Variants in CHN2 observed in about 807,000 individuals in gnomAD.
The protein encoded by CHN2 is beta-chimaerin.
Under a neutral mutation model 56.3 loss-of-function variants are expected in CHN2, and 35 were observed. The ratio of observed to expected loss-of-function variants is 0.62; its 90% CI spans 0.47 to 0.82. The LOEUF (loss-of-function observed/expected upper bound fraction) is 0.82, where lower values mean the gene tolerates loss of function less well. Ranked by LOEUF, CHN2 falls within the 40% of genes least tolerant of loss-of-function variation. CHN2 has a pLI of 0.00. For synonymous variants in CHN2, 210 were observed against 212.8 expected (o/e 0.99, Z 0.12); for missense variants, 491 against 580.5 (o/e 0.85, Z 1.58).
chr7:29,328,922 C>A (rs1796008089), intron 1 of CHN2, among the ~76,000 whole-genome samples: 2 of 152,136 alleles, frequency 1.3e-5, no homozygotes, highest in Admixed American at 1.3e-4. Context: ...GAAGAAACAT[C>A]TCTAAATTCT....
At chr7:29,398,761 A>ATT (rs61569425) in intron 5 of CHN2, among the ~76,000 whole-genome samples, 2 of 120,302 alleles carry the variant, frequency 1.7e-5, no homozygotes, top group Non-Finnish European at 3.6e-5. Context: ...TGACTGGCTA[A>ATT]TTTTTTTTTT....
intron 1 of CHN2, among the ~76,000 whole-genome samples, chr7:29,337,841 T>A (rs559003145): frequency 1.3e-5 from 2 of 152,242 alleles, no homozygotes; most frequent in East Asian, 3.9e-4. Context: ...GTTGATGGGG[T>A]GTCTGAAGTG....
At chr7:29,393,737 A>C in intron 4 of CHN2, 27 bp downstream of exon 4, 1 of 741,344 alleles carries the variant, frequency 1.3e-6, no homozygotes, top group Non-Finnish European at 2.0e-6. Context: ...TCTTTGTTTT[A>C]ATAATTTAAT....
At chr7:29,250,132 C>T (rs1788381566) in intron 1 of CHN2, among the ~76,000 whole-genome samples, 1 of 152,186 alleles carries the variant, frequency 6.6e-6, no homozygotes, top group African/African-American at 2.4e-5. Context: ...GCTCAGATTT[C>T]TATTAACAGG....
At chr7:29,451,077 T>C (rs1201592783) in intron 6 of CHN2, among the ~76,000 whole-genome samples, 1 of 152,148 alleles carries the variant, frequency 6.6e-6, no homozygotes, top group East Asian at 1.9e-4. Flanking sequence ...CCTCATTACT[T>C]CTTATACCAT....
chr7:29,280,166 C>T (rs1791570946), intron 1 of CHN2, among the ~76,000 whole-genome samples: 1 of 151,952 alleles, frequency 6.6e-6, no homozygotes, highest in Non-Finnish European at 1.5e-5. Context: ...GGTGGATCAC[C>T]TGAGGTCATG....
At chr7:29,314,666 G>A (rs995252302) in intron 1 of CHN2, among the ~76,000 whole-genome samples, 2 of 152,254 alleles carry the variant, frequency 1.3e-5, no homozygotes, top group East Asian at 3.9e-4. Context: ...AGAAGTGAGA[G>A]TTCACTGAGC....
At position 29,480,186 on chromosome 7, in the gene CHN2, C is replaced by T. The variant is rs762443994; in HGVS notation, c.577-93C>T. Reference sequence around the variant, plus strand: ...TCGGAAGTCTAAGCAGGGCAGGAAACGCCAAGAACTGCTGGCCGTAGCCTT... The same window carrying T: ...TCGGAAGTCTAAGCAGGGCAGGAAATGCCAAGAACTGCTGGCCGTAGCCTT... On this transcript the variant is annotated intron_variant, in intron 6 of 12. Transcript: ENST00000222792. 7.5e-6 allele frequency: 12 copies of T among 1,609,898 alleles called. No homozygotes were observed. In the East Asian group the frequency reaches 8.9e-5, roughly 12 times the overall value.
At chr7:29,300,915 A>G (rs1006607870) in intron 1 of CHN2, among the ~76,000 whole-genome samples, 2 of 152,188 alleles carry the variant, frequency 1.3e-5, no homozygotes. Context: ...CATGTGCAAT[A>G]TTTTTTAAAT....
At chr7:29,210,117 C>A (rs1241440739) in intron 1 of CHN2, among the ~76,000 whole-genome samples, 1 of 152,172 alleles carries the variant, frequency 6.6e-6, no homozygotes, top group Non-Finnish European at 1.5e-5. Flanking sequence ...TCTGATCTGC[C>A]TGTTTCCTCT....
intron 2 of CHN2, 23 bp downstream of exon 2, chr7:29,354,686 T>A (rs766957825): frequency 6.2e-7 from 1 of 1,609,968 alleles, no homozygotes. Context: ...AATGAAAATC[T>A]CCCCAGAAGT....
At chr7:29,355,524 T>G (rs1798225002) in intron 2 of CHN2, among the ~76,000 whole-genome samples, 1 of 152,056 alleles carries the variant, frequency 6.6e-6, no homozygotes, top group Non-Finnish European at 1.5e-5. Flanking sequence ...GTCTCCTCTT[T>G]TCTTAGTACT....
At chr7:29,457,346 C>G (rs1784842511) in intron 6 of CHN2, among the ~76,000 whole-genome samples, 1 of 152,140 alleles carries the variant, frequency 6.6e-6, no homozygotes, top group Admixed American at 6.5e-5. Flanking sequence ...AGGGTCGTGA[C>G]CTCCTTGGAA....
intron 1 of CHN2, among the ~76,000 whole-genome samples, chr7:29,224,419 T>C (rs565074280): frequency 6.6e-6 from 1 of 152,324 alleles, no homozygotes; most frequent in Admixed American, 6.5e-5. Flanking sequence ...AACTTCACAG[T>C]ACAAACATTT....
At chr7:29,486,493 T>G (rs1488675669) in intron 7 of CHN2, among the ~76,000 whole-genome samples, 1 of 152,070 alleles carries the variant, frequency 6.6e-6, no homozygotes, top group African/African-American at 2.4e-5. Flanking sequence ...CCAGGGATGG[T>G]GACTGTGCAG....
chr7:29,368,350 C>T (rs1037181137), intron 3 of CHN2, among the ~76,000 whole-genome samples: 7 of 152,028 alleles, frequency 4.6e-5, no homozygotes, highest in African/African-American at 1.4e-4. Context: ...GAATAATAAA[C>T]TTCTGGGTAC....
At chr7:29,359,422 T>A (rs1167549364) in intron 2 of CHN2, among the ~76,000 whole-genome samples, 1 of 152,198 alleles carries the variant, frequency 6.6e-6, no homozygotes, top group African/African-American at 2.4e-5. Flanking sequence ...ATTAAGTCTC[T>A]GCCTTAAGCC....
chr7:29,269,461 A>G (rs550465019), intron 1 of CHN2, among the ~76,000 whole-genome samples: 4 of 152,324 alleles, frequency 2.6e-5, no homozygotes, highest in African/African-American at 9.6e-5. Flanking sequence ...GTTGATGGAC[A>G]CTTAGGTTGA....
intron 1 of CHN2, among the ~76,000 whole-genome samples, chr7:29,312,303 CA>C (rs1794657182): frequency 2.0e-5 from 3 of 152,216 alleles, no homozygotes; most frequent in Non-Finnish European, 1.5e-5. Context: ...CTTCCTACCT[CA>C]TTCTCTCCCT....
Sources: allele counts gnomAD v4.1 joint callset (sites outside exome capture counted in the v4.1 genomes callset), GRCh38; gene constraint gnomAD v4.1.1; transcripts MANE v1.5; gene names NCBI Gene and HGNC (gene_info 2026-07-23, HGNC 2026-07-21).